EIPR1: variants seen among roughly 807,000 people sequenced by gnomAD.
EIPR1 encodes EARP and GARP complex-interacting protein 1.
Under a neutral mutation model 48.1 loss-of-function variants are expected in EIPR1, and 25 were observed. That is an observed-to-expected ratio of 0.52 (90% confidence interval 0.38 to 0.73). The LOEUF is 0.73. EIPR1 is among the 30% of genes least tolerant of loss of function. The probability of loss-of-function intolerance (pLI) is 0.00; values close to 1 mark genes in which losing one functional copy is unlikely to be tolerated. For missense variants in EIPR1, 415 were observed against 506.2 expected (o/e 0.82, Z 1.73); for synonymous variants, 204 against 201.9 (o/e 1.01, Z -0.09).
chr2:3,285,774 G>A (rs1325462769), intron 3 of EIPR1, among the ~76,000 whole-genome samples: 2 of 9,886 alleles, frequency 2.0e-4, no homozygotes, highest in Non-Finnish European at 4.7e-4. Flanking sequence ...GTCACCGACT[G>A]TCTCCGGGAC....
At chr2:3,209,858 G>T (rs1423692903) in intron 5 of EIPR1, among the ~76,000 whole-genome samples, 1 of 152,100 alleles carries the variant, frequency 6.6e-6, no homozygotes, top group Admixed American at 6.6e-5. Context: ...GCTTGCCAGG[G>T]GCTTGGAGAG....
chr2:3,371,204 C>T (rs1212526273), intron 1 of EIPR1, among the ~76,000 whole-genome samples: 1 of 152,108 alleles, frequency 6.6e-6, no homozygotes, highest in Non-Finnish European at 1.5e-5. Flanking sequence ...GTTTTGCCAC[C>T]ACCAGGCCTG....
chr2:3,373,779 A>G (rs1472641413), intron 1 of EIPR1, among the ~76,000 whole-genome samples: 2 of 151,640 alleles, frequency 1.3e-5, no homozygotes, highest in African/African-American at 4.8e-5. Flanking sequence ...GGAAGAATCA[A>G]TATCGTGAAA....
chr2:3,279,638 T>TAGAC (rs1211203339), intron 3 of EIPR1, among the ~76,000 whole-genome samples: 1 of 152,114 alleles, frequency 6.6e-6, no homozygotes, highest in African/African-American at 2.4e-5. Flanking sequence ...AGAGATAAGG[T>TAGAC]AGACACTCAA....
chr2:3,377,453 TG>T, intron 1 of EIPR1, 194 bp downstream of exon 1: 1 of 567,036 alleles, frequency 1.8e-6, no homozygotes, highest in Non-Finnish European at 2.9e-6. Flanking sequence ...AGGCCGGCTG[TG>T]GCCAACCCTG....
At chr2:3,357,441 C>A (rs1461987108) in intron 1 of EIPR1, among the ~76,000 whole-genome samples, 5 of 152,146 alleles carry the variant, frequency 3.3e-5, no homozygotes, top group Admixed American at 2.0e-4. Flanking sequence ...ATATTTGAGT[C>A]CTTGTGGATG....
At chr2:3,353,761 C>G (rs1670647730) in intron 2 of EIPR1, among the ~76,000 whole-genome samples, 1 of 152,120 alleles carries the variant, frequency 6.6e-6, no homozygotes, top group African/African-American at 2.4e-5. Flanking sequence ...GACTTTAAAT[C>G]TTTATCGACA....
chr2:3,229,480 T>C (rs1666170128), intron 4 of EIPR1, among the ~76,000 whole-genome samples: 1 of 152,254 alleles, frequency 6.6e-6, no homozygotes. Context: ...TTGGCAAGCA[T>C]GCCAATAAAT....
Position 3,191,628 on chromosome 2 carries a change from A to C in EIPR1, c.989+786T>G, listed in dbSNP as rs555367943. On this transcript the variant is annotated intron_variant, in intron 8 of 8. Coordinates refer to ENST00000382125, the MANE Select transcript of EIPR1 (RefSeq NM_003310.5). ...TTATTCCAGAACCTCCTTCCTCTGG[A>C]ACCTGGGGCAAGAATCTCTGCGGTT... Among the ~76,000 whole-genome samples the C allele has an allele frequency of 5.3e-5, 8 of 152,314 alleles. No homozygotes were observed. The South Asian group carries it at 8.3e-4, about 16-fold the overall frequency.
At chr2:3,240,862 CTCCTAAAGCAAAGCCAGAAGATCCT>C (rs1558244904) in intron 4 of EIPR1, among the ~76,000 whole-genome samples, 6,350 of 73,118 alleles carry the variant, frequency 0.087, 160 homozygotes, top group Non-Finnish European at 0.11. Flanking sequence ...CAGCAGATCC[CTCCTAAAGCAAAGCCAGAAGATCCT>C]TCCTAAAGCA....
At chr2:3,239,954 C>CCTTCCTAAAGCAAAGCCAGCAGAA (rs1558244021) in intron 4 of EIPR1, among the ~76,000 whole-genome samples, 34 of 150,940 alleles carry the variant, frequency 2.3e-4, no homozygotes, top group Admixed American at 5.9e-4. Context: ...AGCCAGCAGA[C>CCTTCCTAAAGCAAAGCCAGCAGAA]CCTTCCTAAA....
At position 3,304,427 on chromosome 2, in the gene EIPR1, C is replaced by T. The variant is rs149765271; in HGVS notation, c.259+33590G>A. Among the ~76,000 whole-genome samples the T allele has an allele frequency of 3.8e-3, 569 of 150,770 alleles. 7 individuals carry two copies. Among genetic ancestry groups the T allele is most frequent in the East Asian group, 0.024 (123 of 5,062 alleles). ...CCCGTCCTGTTCAACCCTCCACTCC[C>T]GTCCAATTCAGCCCTTCAGTCCCGT... On this transcript the variant is annotated intron_variant, in intron 3 of 8. Transcript: ENST00000382125.
At chr2:3,338,456 C>T (rs575144353) in intron 2 of EIPR1, among the ~76,000 whole-genome samples, 46 of 152,316 alleles carry the variant, frequency 3.0e-4, no homozygotes, top group African/African-American at 8.9e-4. Flanking sequence ...GCTCTTAGAC[C>T]GAGCCACTGT....
At chr2:3,280,618 AGC>A (rs1667986801) in intron 3 of EIPR1, among the ~76,000 whole-genome samples, 1 of 152,214 alleles carries the variant, frequency 6.6e-6, no homozygotes, top group Non-Finnish European at 1.5e-5. Flanking sequence ...TGTCTAAGTC[AGC>A]TACAAGTATC....
At chr2:3,253,634 T>C (rs2103212405) in intron 4 of EIPR1, among the ~76,000 whole-genome samples, 1 of 152,312 alleles carries the variant, frequency 6.6e-6, no homozygotes, top group Admixed American at 6.5e-5. Flanking sequence ...TCTGTCTGCT[T>C]CCATAGGCTG....
At chr2:3,376,696 A>T (rs962660376) in intron 1 of EIPR1, among the ~76,000 whole-genome samples, 16 of 152,054 alleles carry the variant, frequency 1.1e-4, no homozygotes, top group African/African-American at 3.4e-4. Flanking sequence ...ATCTCAAAAA[A>T]AAAAAAAAAA....
At chr2:3,190,333 T>C (rs561780509) in intron 8 of EIPR1, among the ~76,000 whole-genome samples, 8 of 152,184 alleles carry the variant, frequency 5.3e-5, no homozygotes, top group Non-Finnish European at 1.2e-4. Flanking sequence ...CTAACTGCTT[T>C]TGCATTTCTT....
At chr2:3,204,577 T>A (rs1267739604) in intron 5 of EIPR1, among the ~76,000 whole-genome samples, 2 of 152,186 alleles carry the variant, frequency 1.3e-5, no homozygotes, top group Non-Finnish European at 2.9e-5. Flanking sequence ...AAGGAATGAT[T>A]AAAGGCGCCC....
At chr2:3,272,873 C>A (rs979992263) in intron 3 of EIPR1, among the ~76,000 whole-genome samples, 1 of 152,178 alleles carries the variant, frequency 6.6e-6, no homozygotes, top group African/African-American at 2.4e-5. Context: ...AAGCCCAGTG[C>A]AATACGATGA....
Sources: gnomAD v4.1 joint callset for allele counts (sites outside exome capture counted in the v4.1 genomes callset) on GRCh38, gnomAD v4.1.1 for gene constraint, MANE v1.5 for transcripts, NCBI Gene and HGNC (gene_info 2026-07-23, HGNC 2026-07-21) for gene names.